Variants in WDR45B observed in about 807,000 individuals in gnomAD.
The protein encoded by WDR45B is WD repeat domain 45B.
In WDR45B, 20 loss-of-function variants were observed where a neutral mutation model predicts 44.6. The ratio of observed to expected loss-of-function variants is 0.45; its 90% confidence interval spans 0.32 to 0.65. WDR45B has a LOEUF of 0.65. WDR45B is among the 30% of genes least tolerant of loss of function. WDR45B has a pLI of 0.05. For synonymous variants in WDR45B, 169 were observed against 164.9 expected (o/e 1.02, Z -0.19); for missense variants, 323 against 430.2 (o/e 0.75, Z 2.20).
intron 1 of WDR45B, among the ~76,000 whole-genome samples, chr17:82,647,662 G>C (rs1029713416): frequency 1.4e-5 from 2 of 147,754 alleles, no homozygotes; most frequent in African/African-American, 5.0e-5. Context: ...TGGGGGTGGG[G>C]AGAGTGACAT....
At position 82,640,537 on chromosome 17, in the gene WDR45B, G is replaced by A. The variant is rs529044764; in HGVS notation, c.142+3412C>T. On this transcript the variant is annotated intron_variant, in intron 2 of 9. Coordinates refer to ENST00000392325, the MANE Select transcript of WDR45B (RefSeq NM_019613.4). ...AGCTAATTTTTGTATTTTTAGTAGA[G>A]ATGGGGTTTCACTGTGCCGGCCAGG... Among the ~76,000 whole-genome samples the A allele has an allele frequency of 2.0e-5, 3 of 152,152 alleles. No homozygotes were observed. In the East Asian group the frequency reaches 5.8e-4, roughly 29 times the overall value.
chr17:82,648,399 G>A lies in WDR45B; in HGVS notation c.-59C>T, dbSNP rs910461127. 2.4e-4 allele frequency: 383 copies of A among 1,579,156 alleles called. 2 individuals carry two copies. Among genetic ancestry groups the A allele is most frequent in the Middle Eastern group, 1.4e-3 (6 of 4,440 alleles). Reference sequence around the variant, plus strand: ...CTGCATGCCTCTCGCTGGGGACGGCGGCCTGGTCCCTTCGGGCCGGCGCTG... The same window carrying A: ...CTGCATGCCTCTCGCTGGGGACGGCAGCCTGGTCCCTTCGGGCCGGCGCTG... On this transcript the variant is annotated 5_prime_UTR_variant, in exon 1 of 10. Coordinates refer to ENST00000392325, the MANE Select transcript of WDR45B (RefSeq NM_019613.4).
chr17:82,633,039 T>C (rs1199568655), intron 2 of WDR45B, among the ~76,000 whole-genome samples: 1 of 151,828 alleles, frequency 6.6e-6, no homozygotes, highest in East Asian at 1.9e-4. Flanking sequence ...GGCAGGCGCC[T>C]GTAATCCCAG....
At position 82,636,153 on chromosome 17, in the gene WDR45B, C is replaced by T. The variant is rs192550970; in HGVS notation, c.143-5131G>A. Among the ~76,000 whole-genome samples the T allele has an allele frequency of 5.9e-3, 886 of 149,480 alleles. 6 individuals are homozygous for T. The highest frequency in any genetic ancestry group is 9.1e-3 in the Non-Finnish European group (617 of 67,684). ...AGCCAGCTGTGTAGTCCCAGCTACT[C>T]GGGAGGCTGAGGCAGGAGAATCACT... On this transcript the variant is annotated intron_variant, in intron 2 of 9. Transcript: ENST00000392325.
intron 2 of WDR45B, among the ~76,000 whole-genome samples, chr17:82,632,807 T>G (rs1339775641): frequency 1.3e-5 from 2 of 152,106 alleles, no homozygotes; most frequent in East Asian, 3.9e-4. Flanking sequence ...GTGGGAGGAC[T>G]GCTTGAGCCC....
At chr17:82,629,733 A>G (rs2045743943) in intron 3 of WDR45B, 8 of 985,462 alleles carry the variant, frequency 8.1e-6, no homozygotes, top group Non-Finnish European at 9.6e-6. Flanking sequence ...GGCTCTGCTG[A>G]GAACTGTGAG....
intron 6 of WDR45B, among the ~76,000 whole-genome samples, chr17:82,621,054 CTTTTT>C (rs11337047): frequency 3.8e-5 from 5 of 131,324 alleles, no homozygotes; most frequent in African/African-American, 1.2e-4. Context: ...ATTTTTGTTT[CTTTTT>C]TTTTTTTTTT....
chr17:82,624,823 T>G, intron 5 of WDR45B, among the ~76,000 whole-genome samples: 1 of 150,218 alleles, frequency 6.7e-6, no homozygotes. Flanking sequence ...TTTCACCGTG[T>G]TAGCCAGGAT....
intron 4 of WDR45B, chr17:82,625,961 T>C: frequency 5.0e-6 from 1 of 199,292 alleles, no homozygotes; most frequent in Non-Finnish European, 1.0e-5. Context: ...CTCAGCTCAC[T>C]GCAACCTCCA....
At chr17:82,631,558 TAC>T (rs1379856943) in intron 2 of WDR45B, among the ~76,000 whole-genome samples, 1 of 143,908 alleles carries the variant, frequency 6.9e-6, no homozygotes, top group Non-Finnish European at 1.5e-5. Context: ...ATGCTGGGAC[TAC>T]AGACATGAGC....
intron 2 of WDR45B, among the ~76,000 whole-genome samples, chr17:82,640,710 T>C (rs976400614): frequency 6.6e-5 from 10 of 152,152 alleles, no homozygotes; most frequent in Non-Finnish European, 1.3e-4. Flanking sequence ...CCAAACTGTT[T>C]AAATGTGCCA....
At chr17:82,631,276 C>CTT (rs1568009755) in intron 2 of WDR45B, among the ~76,000 whole-genome samples, 4 of 114,704 alleles carry the variant, frequency 3.5e-5, no homozygotes, top group South Asian at 3.1e-4. Context: ...ATACAGGACT[C>CTT]ATTTTTTTTT....
Position 82,648,382 on chromosome 17 carries a change from C to T in WDR45B, c.-42G>A, listed in dbSNP as rs2046010463. On this transcript the variant is annotated 5_prime_UTR_variant, in exon 1 of 10. Coordinates refer to ENST00000392325, the MANE Select transcript of WDR45B (RefSeq NM_019613.4). ...GTCGCCGCTCCTCAGCGCTGCATGC[C>T]TCTCGCTGGGGACGGCGGCCTGGTC... 6.3e-6 allele frequency: 10 copies of T among 1,594,984 alleles called. No homozygotes were observed. The highest frequency in any genetic ancestry group is 8.5e-6 in the Non-Finnish European group (10 of 1,172,872).
At chr17:82,625,318 A>G in intron 5 of WDR45B, 71 bp downstream of exon 5, 3 of 1,454,416 alleles carry the variant, frequency 2.1e-6, no homozygotes, top group East Asian at 4.5e-5. Flanking sequence ...TGCTTGGAGA[A>G]GGGAGTGCCC....
At chr17:82,636,287 A>G (rs1333108851) in intron 2 of WDR45B, among the ~76,000 whole-genome samples, 1 of 151,002 alleles carries the variant, frequency 6.6e-6, no homozygotes, top group East Asian at 1.9e-4. Context: ...AAAGAAGACA[A>G]ACACAGTCAG....
At chr17:82,618,569 C>T (rs1470721448) in intron 7 of WDR45B, among the ~76,000 whole-genome samples, 3 of 152,156 alleles carry the variant, frequency 2.0e-5, no homozygotes, top group Non-Finnish European at 4.4e-5. Context: ...AGCGAGACCC[C>T]TCTACAAAAA....
chr17:82,615,396 A>G lies in WDR45B; in HGVS notation c.*523T>C, dbSNP rs9271. On this transcript the variant is annotated 3_prime_UTR_variant, in exon 10 of 10. Coordinates refer to ENST00000392325, the MANE Select transcript of WDR45B (RefSeq NM_019613.4). Reference sequence around the variant, plus strand: ...TGTGTTCTCTCTACAGGGTCAGGTCATTTTTCTTCATGTTCGGGCGGGAAA... The same window carrying G: ...TGTGTTCTCTCTACAGGGTCAGGTCGTTTTTCTTCATGTTCGGGCGGGAAA... 152,761 of 186,110 alleles carry G rather than the reference A, an allele frequency of 0.82. 63,127 individuals carry two copies. Among genetic ancestry groups the G allele is most frequent in the South Asian group, 0.91 (8,588 of 9,440 alleles). The allele number at this position is 186,110 out of a possible 1,614,324, so 11.5% of individuals were successfully genotyped here. A position where few individuals can be genotyped will look rare whatever the true frequency, so the allele number is the denominator to read the frequency against.
chr17:82,625,264 T>C (rs1334754612), intron 5 of WDR45B, 125 bp downstream of exon 5: 4 of 897,410 alleles, frequency 4.5e-6, no homozygotes, highest in Non-Finnish European at 7.3e-6. Flanking sequence ...TGGAGGCCCC[T>C]CTGTGCTCAG....
At chr17:82,616,692 A>C (rs1241743473) in intron 8 of WDR45B, 47 bp from the exon 9 acceptor site, 1 of 1,613,388 alleles carries the variant, frequency 6.2e-7, no homozygotes, top group Admixed American at 1.7e-5. Context: ...TACAGGAAAA[A>C]AAATCACCTG....
Sources: gnomAD v4.1 joint callset for allele counts (sites outside exome capture counted in the v4.1 genomes callset) on GRCh38, gnomAD v4.1.1 for gene constraint, MANE v1.5 for transcripts, NCBI Gene and HGNC (gene_info 2026-07-23, HGNC 2026-07-21) for gene names.